GAB2: variants seen among roughly 807,000 people sequenced by gnomAD.
GAB2 encodes GRB2-associated-binding protein 2.
In GAB2, 26 loss-of-function variants were observed where a neutral mutation model predicts 65.5. That is an observed-to-expected ratio of 0.40 (90% CI 0.29 to 0.55). The LOEUF is 0.55. Ranked by LOEUF, GAB2 falls within the 20% of genes least tolerant of loss-of-function variation. GAB2 has a pLI of 0.53. For missense variants in GAB2, 884 were observed against 875.8 expected, an observed-to-expected ratio of 1.01 and a Z score of -0.12; for synonymous variants, 321 against 329.6, an observed-to-expected ratio of 0.97 and a Z score of 0.28.
intron 1 of GAB2, among the ~76,000 whole-genome samples, chr11:78,350,276 G>T (rs867026231): frequency 6.6e-6 from 1 of 152,166 alleles, no homozygotes; most frequent in Non-Finnish European, 1.5e-5. Flanking sequence ...CTCAGGAGGG[G>T]AACCCACACT....
intron 1 of GAB2, among the ~76,000 whole-genome samples, chr11:78,416,649 C>T (rs1471046658): frequency 2.0e-5 from 3 of 152,188 alleles, no homozygotes; most frequent in Non-Finnish European, 2.9e-5. Context: ...GACCTTGAAA[C>T]CTTCCAGCAA....
chr11:78,250,091 G>C (rs1865405696), intron 3 of GAB2, 66 bp downstream of exon 3: 2 of 1,517,198 alleles, frequency 1.3e-6, no homozygotes, highest in Admixed American at 3.4e-5. Flanking sequence ...AAAAAAGCAA[G>C]GACTGAAAAG....
At chr11:78,220,757 C>T (rs1864383878) in intron 8 of GAB2, among the ~76,000 whole-genome samples, 1 of 152,216 alleles carries the variant, frequency 6.6e-6, no homozygotes, top group African/African-American at 2.4e-5. Context: ...CAAACCTGTG[C>T]TAACCCCTGT....
At chr11:78,367,137 A>C (rs1056061441) in intron 1 of GAB2, among the ~76,000 whole-genome samples, 3 of 152,160 alleles carry the variant, frequency 2.0e-5, no homozygotes, top group African/African-American at 7.2e-5. Context: ...AGGAGCTCCA[A>C]ATTGAAAACT....
At chr11:78,417,222 C>T (rs1242445051) in intron 1 of GAB2, among the ~76,000 whole-genome samples, 1 of 151,962 alleles carries the variant, frequency 6.6e-6, no homozygotes, top group Non-Finnish European at 1.5e-5. Context: ...TGGGGCCGTC[C>T]GCGCGGCCCC....
chr11:78,363,938 T>C (rs1277201143), intron 1 of GAB2: 1 of 152,058 alleles, frequency 6.6e-6, no homozygotes, highest in Non-Finnish European at 1.5e-5. Flanking sequence ...GAGTGGTAGA[T>C]ATACAAGCCC....
intron 1 of GAB2, among the ~76,000 whole-genome samples, chr11:78,338,229 T>G (rs1274900839): frequency 6.6e-6 from 1 of 152,236 alleles, no homozygotes. Context: ...CCCTTTTCCT[T>G]GTTTGTCCTT....
chr11:78,307,630 G>A (rs1350076471), intron 1 of GAB2, among the ~76,000 whole-genome samples: 1 of 150,928 alleles, frequency 6.6e-6, no homozygotes, highest in African/African-American at 2.4e-5. Context: ...GAGAGAGAGA[G>A]AGAGATGTTG....
chr11:78,379,050 G>A (rs1269852968), intron 1 of GAB2, among the ~76,000 whole-genome samples: 2 of 152,200 alleles, frequency 1.3e-5, no homozygotes, highest in Middle Eastern at 3.2e-3. Flanking sequence ...ATGAATTTAA[G>A]AGAAGCAATC....
At chr11:78,414,838 C>T (rs1349025972) in intron 1 of GAB2, among the ~76,000 whole-genome samples, 6 of 152,100 alleles carry the variant, frequency 3.9e-5, no homozygotes, top group Admixed American at 2.6e-4. Flanking sequence ...ATGTTTTTCC[C>T]CTCTACACCT....
intron 1 of GAB2, among the ~76,000 whole-genome samples, chr11:78,321,228 T>C (rs1274431263): frequency 2.0e-5 from 3 of 152,184 alleles, no homozygotes; most frequent in African/African-American, 7.2e-5. Context: ...AGCACAGTAC[T>C]AAGAGCTGTG....
intron 1 of GAB2, among the ~76,000 whole-genome samples, chr11:78,293,894 T>C (rs955763271): frequency 1.3e-5 from 2 of 151,718 alleles, no homozygotes; most frequent in African/African-American, 2.4e-5. Flanking sequence ...AAGATGGATA[T>C]TGATGAAATA....
intron 3 of GAB2, among the ~76,000 whole-genome samples, chr11:78,233,903 G>A (rs986800893): frequency 6.6e-6 from 1 of 152,134 alleles, no homozygotes; most frequent in African/African-American, 2.4e-5. Context: ...GGGCCACCAC[G>A]CCCAGCCCAT....
At chr11:78,359,597 T>C (rs1452973477) in intron 1 of GAB2, among the ~76,000 whole-genome samples, 2 of 152,154 alleles carry the variant, frequency 1.3e-5, no homozygotes, top group Non-Finnish European at 1.5e-5. Context: ...TAATCCCAGA[T>C]GGAAGGTCTG....
intron 1 of GAB2, among the ~76,000 whole-genome samples, chr11:78,306,450 G>A (rs936566876): frequency 6.6e-6 from 1 of 152,106 alleles, no homozygotes; most frequent in Non-Finnish European, 1.5e-5. Flanking sequence ...CAGGCTGGTC[G>A]TGAACTCCTG....
intron 1 of GAB2, among the ~76,000 whole-genome samples, chr11:78,394,738 C>T (rs924694668): frequency 6.6e-6 from 1 of 152,172 alleles, no homozygotes; most frequent in Non-Finnish European, 1.5e-5. Flanking sequence ...GGTCTTAAGC[C>T]CTCTTGCCAG....
intron 1 of GAB2, among the ~76,000 whole-genome samples, chr11:78,305,597 T>C (rs1258186040): frequency 6.6e-6 from 1 of 152,234 alleles, no homozygotes; most frequent in Non-Finnish European, 1.5e-5. Flanking sequence ...CACTTCTGGA[T>C]ATAAAGCACC....
intron 1 of GAB2, among the ~76,000 whole-genome samples, chr11:78,365,319 A>G (rs1251138856): frequency 6.6e-6 from 1 of 152,198 alleles, no homozygotes; most frequent in African/African-American, 2.4e-5. Context: ...AAGTCTCCCT[A>G]TCAGTGTCCC....
At chr11:78,320,958 G>A (rs1855712736) in intron 1 of GAB2, among the ~76,000 whole-genome samples, 1 of 152,046 alleles carries the variant, frequency 6.6e-6, no homozygotes, top group Admixed American at 6.5e-5. Context: ...ATGCAAAAGA[G>A]ATATTTAACT....
Sources: allele counts gnomAD v4.1 joint callset (sites outside exome capture counted in the v4.1 genomes callset), GRCh38; gene constraint gnomAD v4.1.1; transcripts MANE v1.5; gene names NCBI Gene and HGNC (gene_info 2026-07-23, HGNC 2026-07-21).